Variants in PDZD2 observed in about 807,000 individuals in gnomAD.
PDZD2 encodes PDZ domain containing 2, also known as PDZ domain-containing protein 2.
PDZD2 carries 90 observed loss-of-function variants against 220.7 expected under a neutral mutation model. That is an observed-to-expected ratio of 0.41 (90% CI 0.34 to 0.49). The LOEUF is 0.49. PDZD2 is among the 20% of genes least tolerant of loss of function. The pLI is 0.28. For synonymous variants in PDZD2, 1,375 were observed against 1,450.5 expected (o/e 0.95, Z 1.18); for missense variants, 3,174 against 3,608.5 (o/e 0.88, Z 3.08).
intron 1 of PDZD2, among the ~76,000 whole-genome samples, chr5:31,770,271 G>A (rs1026449181): frequency 2.6e-5 from 4 of 152,102 alleles, no homozygotes; most frequent in Non-Finnish European, 5.9e-5. Context: ...TCACACACTC[G>A]GGTCTCCCAC....
chr5:32,048,289 C>T (rs895815097), intron 7 of PDZD2, among the ~76,000 whole-genome samples: 3 of 152,252 alleles, frequency 2.0e-5, no homozygotes, highest in Middle Eastern at 3.4e-3. Flanking sequence ...TTACATTGCC[C>T]CTCATCTAAT....
At chr5:31,947,728 A>G (rs1746771016) in intron 2 of PDZD2, among the ~76,000 whole-genome samples, 1 of 152,186 alleles carries the variant, frequency 6.6e-6, no homozygotes, top group Non-Finnish European at 1.5e-5. Flanking sequence ...GGGGCTGGAA[A>G]ATCGCTTAAA....
chr5:31,753,451 T>C lies in PDZD2; in HGVS notation c.-360-45438T>C, dbSNP rs553357668. On this transcript the variant is annotated intron_variant, in intron 1 of 24. Coordinates refer to ENST00000438447, the MANE Select transcript of PDZD2 (RefSeq NM_178140.4). Reference sequence around the variant, plus strand: ...AACCCTATCTCTACAAATACAAAAATTAGCTGGGCATAGTGGCACGCACCT... The same window carrying C: ...AACCCTATCTCTACAAATACAAAAACTAGCTGGGCATAGTGGCACGCACCT... Among the ~76,000 whole-genome samples, 5 of 152,182 alleles carry C rather than the reference T, an allele frequency of 3.3e-5. No individual in the cohort carries two copies. In the South Asian group the frequency reaches 1.0e-3, roughly 32 times the overall value.
intron 2 of PDZD2, among the ~76,000 whole-genome samples, chr5:31,878,486 A>G (rs1739519375): frequency 6.6e-6 from 1 of 151,056 alleles, no homozygotes; most frequent in Non-Finnish European, 1.5e-5. Context: ...AGGGACCACA[A>G]ATGAAGGATA....
At chr5:31,954,089 C>T (rs945298470) in intron 2 of PDZD2, among the ~76,000 whole-genome samples, 1 of 151,926 alleles carries the variant, frequency 6.6e-6, no homozygotes, top group Admixed American at 6.6e-5. Flanking sequence ...GCCTTCCAGC[C>T]TGGGCAACAG....
Position 32,000,459 on chromosome 5 carries a change from T to C in PDZD2, c.1254+188T>C, listed in dbSNP as rs556810882. ...GACCCTTAGCTGAAGTGCAGTTAGT[T>C]ACTTGGCTTTCCTTAAGAAGTTTGT... On this transcript the variant is annotated intron_variant, in intron 5 of 24. Coordinates refer to ENST00000438447, the MANE Select transcript of PDZD2 (RefSeq NM_178140.4). The surrounding 1 kb of genome is among the most constrained non-coding windows in gnomAD (Gnocchi z 4.5). 1.3e-5 allele frequency among the ~76,000 whole-genome samples: 2 copies of C among 152,280 alleles called. No individual in the cohort carries two copies. Among genetic ancestry groups the C allele is most frequent in the South Asian group, 2.1e-4 (1 of 4,822 alleles).
At chr5:31,719,005 G>A (rs928846222) in intron 1 of PDZD2, among the ~76,000 whole-genome samples, 17 of 152,164 alleles carry the variant, frequency 1.1e-4, no homozygotes, top group South Asian at 6.2e-4. Flanking sequence ...CTGCCTAACC[G>A]CCTCATGTTA....
At chr5:31,820,466 C>T (rs552843857) in intron 2 of PDZD2, 5 of 152,312 alleles carry the variant, frequency 3.3e-5, no homozygotes, top group African/African-American at 1.2e-4. Flanking sequence ...GTATAATCAT[C>T]ACTGATAATT....
chr5:31,740,530 A>G lies in PDZD2; in HGVS notation c.-360-58359A>G, dbSNP rs1750189787. ...ACAGAGCAAGACTCCGTCTCAAAAAAAAAAAAAAAAAAAAAAAAAAAAAAA... is the reference window on the plus strand; with the variant it reads ...ACAGAGCAAGACTCCGTCTCAAAAAGAAAAAAAAAAAAAAAAAAAAAAAAA... On this transcript the variant is annotated intron_variant, in intron 1 of 24. Transcript: ENST00000438447. 3.0e-4 allele frequency among the ~76,000 whole-genome samples: 14 copies of G among 46,722 alleles called. 1 individual carries two copies. The South Asian group carries it at 6.4e-3, about 21-fold the overall frequency. The allele number at this position is 46,722 out of a possible 152,430, so 30.7% of individuals were successfully genotyped here.
chr5:31,665,500 C>T (rs1198927320), intron 1 of PDZD2, among the ~76,000 whole-genome samples: 1 of 152,186 alleles, frequency 6.6e-6, no homozygotes, highest in Non-Finnish European at 1.5e-5. Context: ...CAAATCTCAT[C>T]TCAAATCGTA....
intron 2 of PDZD2, among the ~76,000 whole-genome samples, chr5:31,878,555 C>CTTTTTTTTGTTTTTT (rs1739533765): frequency 2.1e-5 from 1 of 48,198 alleles, no homozygotes; most frequent in Non-Finnish European, 3.7e-5. Flanking sequence ...ATGACCTCGG[C>CTTTTTTTTGTTTTTT]TTTTTTTTTT....
chr5:31,649,753 T>C (rs1183291631), intron 1 of PDZD2, among the ~76,000 whole-genome samples: 1 of 151,634 alleles, frequency 6.6e-6, no homozygotes, highest in African/African-American at 2.4e-5. Context: ...GCCTGGTCAA[T>C]ATGGTGAAAC....
intron 2 of PDZD2, among the ~76,000 whole-genome samples, chr5:31,863,768 CAT>C (rs1393946735): frequency 6.6e-6 from 1 of 152,136 alleles, no homozygotes; most frequent in Non-Finnish European, 1.5e-5. Flanking sequence ...GAAGTTTACA[CAT>C]AAAGAAATTT....
intron 7 of PDZD2, among the ~76,000 whole-genome samples, chr5:32,043,008 G>A (rs1011287268): frequency 6.6e-5 from 10 of 152,284 alleles, no homozygotes; most frequent in South Asian, 4.1e-4. Flanking sequence ...AGTCAATGCC[G>A]GGAAAAAGAT....
At chr5:32,010,204 A>G (rs1217362614) in intron 5 of PDZD2, 126 bp from the exon 6 acceptor site, 3 of 653,438 alleles carry the variant, frequency 4.6e-6, no homozygotes, top group Non-Finnish European at 8.0e-6. Flanking sequence ...CCTTGCAGAC[A>G]CAGAACATTT....
At chr5:32,032,572 G>A (rs1180122406) in intron 6 of PDZD2, among the ~76,000 whole-genome samples, 3 of 152,108 alleles carry the variant, frequency 2.0e-5, no homozygotes, top group Non-Finnish European at 1.5e-5. Flanking sequence ...CCATTGCCAC[G>A]TGGTTGTCAG....
intron 2 of PDZD2, among the ~76,000 whole-genome samples, chr5:31,934,213 G>GA (rs59271352): frequency 0.1 from 15,316 of 151,812 alleles, 861 homozygotes; most frequent in African/African-American, 0.14. Flanking sequence ...TCTTTTAAAA[G>GA]AAAAAAAAGC....
chr5:32,043,090 G>A (rs186349161), intron 7 of PDZD2, among the ~76,000 whole-genome samples: 146 of 152,296 alleles, frequency 9.6e-4, no homozygotes, highest in Non-Finnish European at 1.5e-3. Flanking sequence ...TTCTATTCCA[G>A]GGAATCTTGA....
At chr5:31,926,546 GAAAATT>G (rs1744793484) in intron 2 of PDZD2, among the ~76,000 whole-genome samples, 1 of 93,490 alleles carries the variant, frequency 1.1e-5, no homozygotes, top group Non-Finnish European at 2.4e-5. Flanking sequence ...AAAAAAAAAA[GAAAATT>G]AAAAGCTAAA....
Sources: gnomAD v4.1 joint callset for allele counts (sites outside exome capture counted in the v4.1 genomes callset) on GRCh38, gnomAD v4.1.1 for gene constraint, Gnocchi (gnomAD v3.1) non-coding constraint, MANE v1.5 for transcripts, NCBI Gene and HGNC (gene_info 2026-07-23, HGNC 2026-07-21) for gene names.